Variants in UBE2W observed in about 807,000 individuals in gnomAD.
The protein encoded by UBE2W is ubiquitin-conjugating enzyme E2 W.
UBE2W carries 18 observed loss-of-function variants against 27.2 expected under a neutral mutation model. The observed-to-expected ratio is 0.66, with a 90% confidence interval of 0.46 to 0.98. UBE2W has a LOEUF of 0.98. Among genes scored for constraint, UBE2W ranks in the 50% least tolerant of loss-of-function variants. The pLI, the probability that UBE2W is intolerant of heterozygous loss-of-function variation, is 0.00. For synonymous variants in UBE2W, 53 were observed against 57.2 expected (o/e 0.93, Z 0.33); for missense variants, 90 against 180.2 (o/e 0.50, Z 2.87).
At chr8:73,833,799 A>G (rs544783836) in intron 1 of UBE2W, 1 of 152,324 alleles carries the variant, frequency 6.6e-6, no homozygotes, top group South Asian at 2.1e-4. Flanking sequence ...TATGTTGCCC[A>G]AGCTGGAGTA....
intron 1 of UBE2W, among the ~76,000 whole-genome samples, chr8:73,871,447 A>G (rs780435907): frequency 9.9e-5 from 15 of 152,230 alleles, no homozygotes; most frequent in Non-Finnish European, 1.9e-4. Context: ...TGTGCAATAT[A>G]GCTTTTTAAA....
At chr8:73,864,302 G>A (rs748021226) in intron 1 of UBE2W, among the ~76,000 whole-genome samples, 2 of 152,166 alleles carry the variant, frequency 1.3e-5, no homozygotes, top group African/African-American at 2.4e-5. Context: ...GCTAAGGCAC[G>A]AGAATCACTT....
At chr8:73,844,477 G>A (rs1443382950) in intron 1 of UBE2W, among the ~76,000 whole-genome samples, 6 of 152,200 alleles carry the variant, frequency 3.9e-5, no homozygotes, top group African/African-American at 1.4e-4. Context: ...GGATTGCAGT[G>A]GCATGATCTC....
intron 4 of UBE2W, among the ~76,000 whole-genome samples, chr8:73,780,943 T>C (rs1807829623): frequency 6.6e-6 from 1 of 152,148 alleles, no homozygotes; most frequent in South Asian, 2.1e-4. Context: ...TCAGAAATAA[T>C]TTATTCATTG....
intron 2 of UBE2W, among the ~76,000 whole-genome samples, chr8:73,828,763 TTC>T (rs1809954607): frequency 6.6e-6 from 1 of 152,134 alleles, no homozygotes; most frequent in African/African-American, 2.4e-5. Context: ...CAGTTATCCT[TTC>T]TGTTACAATC....
chr8:73,796,461 A>G (rs1409333645), intron 5 of UBE2W: 1 of 167,036 alleles, frequency 6.0e-6, no homozygotes, highest in Admixed American at 6.5e-5. Context: ...GCACAAATGC[A>G]TCTTTATTTA....
intron 1 of UBE2W, among the ~76,000 whole-genome samples, chr8:73,847,116 C>T (rs1025459629): frequency 5.9e-5 from 9 of 152,098 alleles, no homozygotes; most frequent in Non-Finnish European, 8.8e-5. Context: ...TTGCAGTGAG[C>T]CAAGATTGCG....
intron 3 of UBE2W, among the ~76,000 whole-genome samples, chr8:73,813,921 T>TG (rs1809279404): frequency 6.6e-6 from 1 of 152,140 alleles, no homozygotes; most frequent in Admixed American, 6.5e-5. Context: ...TTAGTAGAGA[T>TG]GGGGTTTTAC....
At chr8:73,820,752 AAAAC>A (rs149777875) in intron 3 of UBE2W, among the ~76,000 whole-genome samples, 132,481 of 148,858 alleles carry the variant, frequency 0.89, 58,681 homozygotes, top group Middle Eastern at 0.95. Context: ...AAAAAAATAA[AAAAC>A]AAACAAACAA....
intron 5 of UBE2W, among the ~76,000 whole-genome samples, chr8:73,798,926 C>T (rs530126171): frequency 1.6e-4 from 24 of 151,828 alleles, no homozygotes; most frequent in Non-Finnish European, 3.2e-4. Flanking sequence ...TTTGGTTAGG[C>T]TTGTTTTTTT....
intron 1 of UBE2W, among the ~76,000 whole-genome samples, chr8:73,846,331 G>A (rs1241361156): frequency 6.6e-6 from 1 of 152,154 alleles, no homozygotes; most frequent in East Asian, 1.9e-4. Context: ...GGGAGGCAGA[G>A]GTCGCAGTGA....
intron 1 of UBE2W, among the ~76,000 whole-genome samples, chr8:73,832,548 A>G (rs1810118531): frequency 6.6e-6 from 1 of 152,236 alleles, no homozygotes; most frequent in Non-Finnish European, 1.5e-5. Context: ...AAATATTTCA[A>G]CACTGATGCT....
intron 5 of UBE2W, among the ~76,000 whole-genome samples, chr8:73,799,422 T>C (rs1369586230): frequency 6.6e-6 from 1 of 152,188 alleles, no homozygotes; most frequent in African/African-American, 2.4e-5. Flanking sequence ...ATGGAGCCCT[T>C]GTGTCTTCTT....
rs975232301 is a variant in UBE2W, at chr8:73,842,650, A to G, written c.16-12178T>C. ...AAAGCAAGCCTCAAAAATACATGTA[A>G]TTTGTTAAAATAAAAGAGGTGTAAT... On this transcript the variant is annotated intron_variant, in intron 1 of 5. Coordinates refer to ENST00000602593, the MANE Select transcript of UBE2W (RefSeq NM_018299.6). Among the ~76,000 whole-genome samples the G allele has an allele frequency of 9.9e-5, 15 of 152,128 alleles. No individual in the cohort carries two copies. The South Asian group carries it at 1.2e-3, about 13-fold the overall frequency.
At chr8:73,785,309 C>CT (rs1027379288), downstream of UBE2W, among the ~76,000 whole-genome samples, 2 of 151,956 alleles carry the variant, frequency 1.3e-5, no homozygotes, top group Non-Finnish European at 2.9e-5. Flanking sequence ...CCATGCCCAG[C>CT]TTTTTTGTAT....
intron 1 of UBE2W, among the ~76,000 whole-genome samples, chr8:73,843,902 T>C (rs1312987802): frequency 2.0e-5 from 3 of 151,860 alleles, no homozygotes; most frequent in African/African-American, 7.3e-5. Flanking sequence ...GGCAAGGAAA[T>C]TGCTTGAACC....
intron 1 of UBE2W, among the ~76,000 whole-genome samples, chr8:73,853,710 C>A: frequency 6.6e-6 from 1 of 151,980 alleles, no homozygotes; most frequent in East Asian, 1.9e-4. Context: ...GATGGGCTGG[C>A]AGATACAACT....
Position 73,805,464 on chromosome 8 carries a change from AAAAAAAAC to A in UBE2W, c.442+179_442+186del, listed in dbSNP as rs1435865539. On this transcript the variant is annotated intron_variant, in intron 5 of 5. Coordinates refer to ENST00000602593, the MANE Select transcript of UBE2W (RefSeq NM_018299.6). Reference sequence around the variant, plus strand: ...AGCAAAACTCCATCTCAAAAAAAAAAAAAAAAACAAAAAAAACTAGGGTAATTCATCCA... The same window carrying A: ...AGCAAAACTCCATCTCAAAAAAAAAAAAAAAAAACTAGGGTAATTCATCCA... Among the ~76,000 whole-genome samples, 10 of 124,626 alleles carry A rather than the reference AAAAAAAAC, an allele frequency of 8.0e-5. 2 individuals carry two copies. The highest frequency in any genetic ancestry group is 1.3e-4 in the Non-Finnish European group (7 of 54,544). 81.8% of individuals were successfully genotyped at this position (124,626 alleles called of 152,430 possible). A position where few individuals can be genotyped will look rare whatever the true frequency, so the allele number is the denominator to read the frequency against.
In UBE2W at chr8:73,780,491, T is replaced by C. The variant is rs1009309001; in HGVS notation, c.457A>G (p.Ile153Val). ...TTGGAGGACATGATTCAATCCGTAA[T>C]AGATAGTATGAAGGCAGATTTCAGT... Residue 153 changes from isoleucine to valine, a missense_variant, in exon 5 of 5, where the codon ATT becomes GTT. Ile to Val is a conservative substitution (Grantham distance 29). Transcript: ENST00000523278. 8 of 453,456 alleles carry C rather than the reference T, an allele frequency of 1.8e-5. No homozygotes were observed. The Admixed American group carries it at 1.9e-4, about 11-fold the overall frequency. 28.1% of individuals were successfully genotyped at this position (453,456 alleles called of 1,614,324 possible).
Sources: gnomAD v4.1 joint callset for allele counts (sites outside exome capture counted in the v4.1 genomes callset) on GRCh38, gnomAD v4.1.1 for gene constraint, MANE v1.5 for transcripts, NCBI Gene and HGNC (gene_info 2026-07-23, HGNC 2026-07-21) for gene names.